SRSF10: variants seen among roughly 807,000 people sequenced by gnomAD.
The protein encoded by SRSF10 is serine and arginine rich splicing factor 10.
In SRSF10, 9 loss-of-function variants were observed where a neutral mutation model predicts 32.6. The observed-to-expected ratio is 0.28, with a 90% confidence interval of 0.17 to 0.48. SRSF10 has a LOEUF of 0.48. SRSF10 is among the 20% of genes least tolerant of loss of function. The pLI is 0.99. For synonymous variants in SRSF10, 105 were observed against 112.4 expected (o/e 0.93, Z 0.42); for missense variants, 201 against 331.8 (o/e 0.61, Z 3.06).
rs1328530758 is a variant in SRSF10 at position 23,967,334 on chromosome 1, G to A, written c.*3808C>T. 1.8e-5 allele frequency: 4 copies of A among 219,224 alleles called. No homozygotes were observed. The highest frequency in any genetic ancestry group is 3.6e-5 in the Non-Finnish European group (4 of 111,424). The allele number at this position is 219,224 out of a possible 1,614,324, so 13.6% of individuals were successfully genotyped here. The stretch of plus-strand genomic sequence containing the variant: ...ATTCAGTTTGAGACAGACCAACAGA[G>A]GCACTGTAAGAGACTATGGCTGTCT... On this transcript the variant is annotated 3_prime_UTR_variant, in exon 6 of 6. Transcript: ENST00000492112.
In SRSF10 at chr1:23,967,872, A is replaced by T. The variant is rs9424411; in HGVS notation, c.*3270T>A. 0.44 allele frequency: 679,623 copies of T among 1,547,410 alleles called. 158,019 individuals are homozygous for T. The highest frequency in any genetic ancestry group is 0.48 in the Non-Finnish European group (551,177 of 1,145,634). On this transcript the variant is annotated 3_prime_UTR_variant, in exon 6 of 6. Coordinates refer to ENST00000492112, the MANE Select transcript of SRSF10 (RefSeq NM_054016.4). Reference sequence around the variant, plus strand: ...ATAGTTCCCAGGTCTTTCCCCTGGGATGTAACTTAACAGCTCATACTCTAT... The same window carrying T: ...ATAGTTCCCAGGTCTTTCCCCTGGGTTGTAACTTAACAGCTCATACTCTAT...
intron 2 of SRSF10, chr1:23,975,373 TC>T (rs1213829988): frequency 3.6e-6 from 1 of 275,704 alleles, no homozygotes; most frequent in Non-Finnish European, 6.7e-6. Flanking sequence ...CCAAAAATTT[TC>T]CTAAGTTTTA....
At chr1:23,974,359 T>C (rs6667686) in intron 3 of SRSF10, among the ~76,000 whole-genome samples, 53,040 of 152,040 alleles carry the variant, frequency 0.35, 11,218 homozygotes, top group Non-Finnish European at 0.47. Context: ...AAACCTGTAT[T>C]CCTGCCTTGT....
At position 23,968,028 on chromosome 1, in the gene SRSF10, G is replaced by A; in HGVS notation, c.*3114C>T. 6.5e-7 allele frequency: 1 copy of A among 1,531,526 alleles called. No homozygotes were observed. The highest frequency in any genetic ancestry group is 8.7e-7 in the Non-Finnish European group (1 of 1,144,722). 94.9% of individuals were successfully genotyped at this position (1,531,526 alleles called of 1,614,324 possible). ...AGGTGAAGTGTGTCAGCCCTCATTT[G>A]AGTGTTGATATAACCATTCTATTTA... On this transcript the variant is annotated 3_prime_UTR_variant, in exon 6 of 6. Coordinates refer to ENST00000492112, the MANE Select transcript of SRSF10 (RefSeq NM_054016.4).
rs879010532 is a variant in SRSF10, at chr1:23,970,243, G to C, written c.*899C>G. On this transcript the variant is annotated 3_prime_UTR_variant, in exon 6 of 6. Coordinates refer to ENST00000492112, the MANE Select transcript of SRSF10 (RefSeq NM_054016.4). Reference sequence around the variant, plus strand: ...AGGAACCAGAAAAAAAGCAGTGAAGGCTCCATGTTTCAGTCAAAAACTCAA... The same window carrying C: ...AGGAACCAGAAAAAAAGCAGTGAAGCCTCCATGTTTCAGTCAAAAACTCAA... 35 of 985,280 alleles carry C rather than the reference G, an allele frequency of 3.6e-5. No individual in the cohort carries two copies. In the African/African-American group the frequency reaches 6.1e-4, roughly 17 times the overall value. 61.0% of individuals were successfully genotyped at this position (985,280 alleles called of 1,614,324 possible).
chr1:23,975,480 A>C, intron 2 of SRSF10: 1 of 161,984 alleles, frequency 6.2e-6, no homozygotes, highest in Non-Finnish European at 1.3e-5. Flanking sequence ...ACTATTTTTC[A>C]TATTTGTTTC....
At chr1:23,976,284 TAG>T (rs1642084518) in intron 2 of SRSF10, 1 of 152,224 alleles carries the variant, frequency 6.6e-6, no homozygotes, top group Non-Finnish European at 1.5e-5. Context: ...TTTTTTATTA[TAG>T]AGACTAAAAG....
In SRSF10 at chr1:23,971,950, AATC is replaced by A. The variant is rs765991031; in HGVS notation, c.334_336del (p.Asp112del). The A allele has an allele frequency of 1.9e-6, 3 of 1,590,290 alleles. No individual in the cohort carries two copies. The highest frequency in any genetic ancestry group is 2.6e-6 in the Non-Finnish European group (3 of 1,172,370). On this transcript the variant is annotated inframe_deletion, in exon 4 of 6. Transcript: ENST00000492112. ...CTTCTAGAACGTCTGTATCTGTCATAATCATCATAGCGTGAAGAACTGTACACA... is the reference window on the plus strand; with the variant it reads ...CTTCTAGAACGTCTGTATCTGTCATAATCATAGCGTGAAGAACTGTACACA...
chr1:23,980,159 G>T (rs1642375890), intron 1 of SRSF10, 32 bp downstream of exon 1: 14 of 1,528,810 alleles, frequency 9.2e-6, no homozygotes, highest in Non-Finnish European at 1.1e-5. Context: ...CGGCCTCCCC[G>T]CCTAGGCCCG....
intron 2 of SRSF10, 46 bp from the exon 3 acceptor site, chr1:23,975,123 T>C (rs1642005956): frequency 9.8e-6 from 14 of 1,428,850 alleles, no homozygotes; most frequent in Non-Finnish European, 1.4e-5. Flanking sequence ...ACTTTGATAA[T>C]GAATGAAAGT....
In SRSF10 at chr1:23,966,611, T is replaced by TTATA. The variant is rs1641463560; in HGVS notation, c.*4527_*4530dup. On this transcript the variant is annotated 3_prime_UTR_variant, in exon 6 of 6. Transcript: ENST00000492112. ...CTCTGTCTGCCTCAAAATAATCTAA[T>TTATA]TATAGCACCCAGTCTCCTTTATACC... 6.6e-6 allele frequency: 1 copy of TTATA among 152,048 alleles called. No homozygotes were observed. Among genetic ancestry groups the TTATA allele is most frequent in the Admixed American group, 6.6e-5 (1 of 15,264 alleles). The allele number at this position is 152,048 out of a possible 1,614,324, so 9.4% of individuals were successfully genotyped here.
At chr1:23,976,426 A>G (rs1400514497) in intron 2 of SRSF10, 3 of 152,216 alleles carry the variant, frequency 2.0e-5, no homozygotes, top group African/African-American at 7.2e-5. Context: ...CTGGGCTTTC[A>G]ACATGAAAAG....
chr1:23,971,734 T>G, intron 4 of SRSF10, 108 bp from the exon 5 acceptor site: 4 of 1,501,144 alleles, frequency 2.7e-6, no homozygotes, highest in Non-Finnish European at 2.7e-6. Flanking sequence ...ACAGTATTTT[T>G]TGTCTCAATG....
rs931785762 is a variant in SRSF10 at position 23,968,733 on chromosome 1, G to A, written c.*2409C>T. 7.9e-4 allele frequency among the ~76,000 whole-genome samples: 120 copies of A among 152,214 alleles called. No homozygotes were observed. Among genetic ancestry groups the A allele is most frequent in the African/African-American group, 2.6e-3 (109 of 41,538 alleles). On this transcript the variant is annotated 3_prime_UTR_variant, in exon 6 of 6. Transcript: ENST00000492112. ...TGTCATAAACGTTAAGCCCTAATGCGTCTTGTTTATAAGAGGGAGAGCAGA... is the reference window on the plus strand; with the variant it reads ...TGTCATAAACGTTAAGCCCTAATGCATCTTGTTTATAAGAGGGAGAGCAGA...
At chr1:23,974,948 T>C in intron 3 of SRSF10, 26 bp downstream of exon 3, 2 of 1,496,400 alleles carry the variant, frequency 1.3e-6, no homozygotes, top group South Asian at 1.1e-5. Context: ...TAATGTTTCA[T>C]ACATATCAGG....
chr1:23,978,900 G>A (rs1392964943), intron 1 of SRSF10, 83 bp from the exon 2 acceptor site: 4 of 1,265,912 alleles, frequency 3.2e-6, no homozygotes, highest in Admixed American at 2.4e-5. Context: ...ATGAAGGAAA[G>A]CTAGGATCCA....
chr1:23,978,422 T>C (rs1642213460), intron 2 of SRSF10: 1 of 715,092 alleles, frequency 1.4e-6, no homozygotes, highest in Non-Finnish European at 1.8e-6. Flanking sequence ...TATTAACTTT[T>C]AAAGGACTTA....
chr1:23,975,190 C>CCAGA (rs1642011522), intron 2 of SRSF10, 113 bp from the exon 3 acceptor site: 2 of 863,720 alleles, frequency 2.3e-6, no homozygotes, highest in African/African-American at 3.3e-5. Flanking sequence ...AGAACATCAA[C>CCAGA]CAGACCCCCA....
intron 3 of SRSF10, among the ~76,000 whole-genome samples, chr1:23,974,513 C>A (rs1326588899): frequency 2.6e-5 from 4 of 152,298 alleles, no homozygotes; most frequent in South Asian, 2.1e-4. Flanking sequence ...ATTCAAGATA[C>A]TCCATTTTCT....
Sources: allele counts gnomAD v4.1 joint callset (sites outside exome capture counted in the v4.1 genomes callset), GRCh38; gene constraint gnomAD v4.1.1; transcripts MANE v1.5; gene names NCBI Gene and HGNC (gene_info 2026-07-23, HGNC 2026-07-21).